Variants in KIAA1549L observed in about 807,000 individuals in gnomAD.
KIAA1549L encodes the protein KIAA1549 like.
Under a neutral mutation model 160.7 loss-of-function variants are expected in KIAA1549L, and 88 were observed. The observed-to-expected ratio is 0.55, with a 90% CI of 0.46 to 0.65. The LOEUF is 0.65. KIAA1549L is among the 30% of genes least tolerant of loss of function. The pLI is 0.00. For synonymous variants in KIAA1549L, 950 were observed against 976.7 expected, an observed-to-expected ratio of 0.97 and a Z score of 0.51; for missense variants, 2,258 against 2,437.5, an observed-to-expected ratio of 0.93 and a Z score of 1.55.
chr11:33,567,983 T>A (rs1356872726), intron 8 of KIAA1549L, 93 bp from the exon 9 acceptor site: 4 of 1,335,194 alleles, frequency 3.0e-6, no homozygotes, highest in Non-Finnish European at 4.0e-6. Flanking sequence ...ACAGTGGCCC[T>A]TGGTGGCCTG....
chr11:33,556,929 A>C lies in KIAA1549L; in HGVS notation c.3856-2820A>C, dbSNP rs191436863. 2.6e-5 allele frequency among the ~76,000 whole-genome samples: 4 copies of C among 152,386 alleles called. No homozygotes were observed. The South Asian group carries it at 8.3e-4, about 32-fold the overall frequency. ...TTAACTGGTCAAGTATAGTATATACAGAGGCACCCACATTGCAAACTTTGT... is the reference window on the plus strand; with the variant it reads ...TTAACTGGTCAAGTATAGTATATACCGAGGCACCCACATTGCAAACTTTGT... On this transcript the variant is annotated intron_variant, in intron 6 of 20. Coordinates refer to ENST00000658780, the MANE Select transcript of KIAA1549L (RefSeq NM_012194.3).
intron 6 of KIAA1549L, among the ~76,000 whole-genome samples, chr11:33,556,667 CACTTA>C: frequency 6.6e-6 from 1 of 152,112 alleles, no homozygotes; most frequent in East Asian, 1.9e-4. Context: ...TAAGTGATTC[CACTTA>C]TAAGAGGTAT....
intron 1 of KIAA1549L, among the ~76,000 whole-genome samples, chr11:33,512,934 C>A (rs1853260007): frequency 6.6e-6 from 1 of 152,074 alleles, no homozygotes; most frequent in Admixed American, 6.5e-5. Context: ...AGACCAAAGA[C>A]AGAAAAGAAA....
intron 1 of KIAA1549L, among the ~76,000 whole-genome samples, chr11:33,410,981 C>CAAGGACCAGTTTAGGGGAGTGGGCTTTGG (rs369663837): frequency 3.9e-5 from 6 of 152,124 alleles, no homozygotes; most frequent in African/African-American, 9.7e-5. Context: ...TTTGGCCACA[C>CAAGGACCAGTTTAGGGGAGTGGGCTTTGG]AAGGACCAGT....
At chr11:33,577,596 G>A (rs1416875908) in intron 10 of KIAA1549L, among the ~76,000 whole-genome samples, 1 of 152,174 alleles carries the variant, frequency 6.6e-6, no homozygotes, top group Admixed American at 6.5e-5. Flanking sequence ...TGCGGACGCT[G>A]TCTCCGATTG....
At position 33,489,219 on chromosome 11, in the gene KIAA1549L, G is replaced by A. The variant is rs7947305; in HGVS notation, c.239-52583G>A. On this transcript the variant is annotated intron_variant, in intron 1 of 20. Transcript: ENST00000658780. ...TGGAGGCTGAAAGTCCAAGATCAGG[G>A]TGCCAGCAGGATTGGTTTCTGGTAA... 7.0e-3 allele frequency among the ~76,000 whole-genome samples: 1,068 copies of A among 152,264 alleles called. 16 individuals are homozygous for A. Among genetic ancestry groups the A allele is most frequent in the African/African-American group, 0.025 (1,031 of 41,558 alleles).
intron 1 of KIAA1549L, among the ~76,000 whole-genome samples, chr11:33,517,913 C>T (rs891179482): frequency 6.6e-6 from 1 of 151,690 alleles, no homozygotes; most frequent in Non-Finnish European, 1.5e-5. Flanking sequence ...AGGCTGAAGT[C>T]GGTGGATCAT....
At chr11:33,492,094 C>T (rs548098770) in intron 1 of KIAA1549L, among the ~76,000 whole-genome samples, 4 of 152,222 alleles carry the variant, frequency 2.6e-5, no homozygotes, top group East Asian at 1.9e-4. Context: ...CTGCCAGTTG[C>T]GATGGCTCAT....
In KIAA1549L at chr11:33,667,949, A is replaced by G. The variant is rs1852532864; in HGVS notation, c.6236A>G (p.Gln2079Arg). The change falls in exon 21 of 21, where the codon CAG (glutamine) becomes CGG (arginine). Residue 2079 changes from glutamine (Q) to arginine (R), a missense_variant. Coordinates refer to ENST00000658780, the MANE Select transcript of KIAA1549L (RefSeq NM_012194.3). ...PQSSPSRLPR[Q>R]YSQPANLHPS... ...AGCTCTCCCTCCAGGCTTCCTCGTC[A>G]GTACAGCCAGCCAGCCAACCTGCAC... The G allele has an allele frequency of 1.2e-6, 2 of 1,613,850 alleles. No homozygotes were observed. Among genetic ancestry groups the G allele is most frequent in the Non-Finnish European group, 8.5e-7 (1 of 1,179,854 alleles).
In KIAA1549L at chr11:33,612,039, T is replaced by C. The variant is rs150146977; in HGVS notation, c.5279+2073T>C. Among the ~76,000 whole-genome samples, 916 of 152,268 alleles carry C rather than the reference T, an allele frequency of 6.0e-3. 5 individuals are homozygous for C. The highest frequency in any genetic ancestry group is 0.021 in the African/African-American group (885 of 41,530). On this transcript the variant is annotated intron_variant, in intron 15 of 20. Coordinates refer to ENST00000658780, the MANE Select transcript of KIAA1549L (RefSeq NM_012194.3). ...CAGCAAATGTTCATTGAATAAATGG[T>C]TTCATGATCATAAAGCACCAAAAAC... is the stretch of plus-strand genomic sequence containing the variant.
At chr11:33,518,132 C>CTA (rs1853393247) in intron 1 of KIAA1549L, among the ~76,000 whole-genome samples, 2 of 67,266 alleles carry the variant, frequency 3.0e-5, no homozygotes, top group African/African-American at 2.1e-4. Flanking sequence ...GAGCAAGACT[C>CTA]TGTCTCAAAA....
intron 1 of KIAA1549L, among the ~76,000 whole-genome samples, chr11:33,515,546 C>T (rs1853324809): frequency 6.6e-6 from 1 of 152,208 alleles, no homozygotes; most frequent in Non-Finnish European, 1.5e-5. Flanking sequence ...GGAGATGACA[C>T]AAGTAGGTTT....
At chr11:33,593,543 C>T (rs1850118840) in intron 12 of KIAA1549L, among the ~76,000 whole-genome samples, 1 of 152,196 alleles carries the variant, frequency 6.6e-6, no homozygotes, top group Non-Finnish European at 1.5e-5. Context: ...CTTTACAAGG[C>T]TACTGCCGTG....
chr11:33,625,444 T>C (rs921532629), intron 16 of KIAA1549L, among the ~76,000 whole-genome samples: 6 of 152,304 alleles, frequency 3.9e-5, no homozygotes, highest in Admixed American at 1.3e-4. Context: ...TTTTAATGAT[T>C]GCCATTCTAA....
At chr11:33,440,190 C>T (rs1464865035) in intron 1 of KIAA1549L, among the ~76,000 whole-genome samples, 5 of 125,468 alleles carry the variant, frequency 4.0e-5, no homozygotes, top group African/African-American at 9.2e-5. Context: ...AGTGCAGTGG[C>T]GGGATCTCGG....
intron 1 of KIAA1549L, among the ~76,000 whole-genome samples, chr11:33,541,546 A>G (rs980587747): frequency 6.6e-6 from 1 of 152,212 alleles, no homozygotes; most frequent in Non-Finnish European, 1.5e-5. Flanking sequence ...CAATTTTTTA[A>G]TACACAAGTA....
At chr11:33,451,601 T>A (rs1441740428) in intron 1 of KIAA1549L, among the ~76,000 whole-genome samples, 1 of 152,242 alleles carries the variant, frequency 6.6e-6, no homozygotes, top group Non-Finnish European at 1.5e-5. Context: ...GCTTTGTAGC[T>A]GAAGGGTTGT....
chr11:33,606,313 A>G (rs531815078), intron 13 of KIAA1549L, among the ~76,000 whole-genome samples: 8 of 152,124 alleles, frequency 5.3e-5, no homozygotes, highest in African/African-American at 1.9e-4. Context: ...CTCACCTCCA[A>G]CTCAAACATA....
intron 10 of KIAA1549L, 129 bp from the exon 11 acceptor site, chr11:33,583,209 C>G: frequency 1.2e-6 from 1 of 858,628 alleles, no homozygotes; most frequent in Non-Finnish European, 1.8e-6. Context: ...GGCTTTCTAA[C>G]CCCAAACCCT....
Sources: gnomAD v4.1 joint callset for allele counts (sites outside exome capture counted in the v4.1 genomes callset) on GRCh38, gnomAD v4.1.1 for gene constraint, MANE v1.5 for transcripts, NCBI Gene and HGNC (gene_info 2026-07-23, HGNC 2026-07-21) for gene names.